Variants in N4BP2 observed in about 807,000 individuals in gnomAD.
N4BP2 encodes the protein NEDD4-binding protein 2.
Under a neutral mutation model 152.8 loss-of-function variants are expected in N4BP2, and 91 were observed. The ratio of observed to expected loss-of-function variants is 0.60; its 90% confidence interval spans 0.50 to 0.71. The LOEUF is 0.71. Among genes scored for constraint, N4BP2 ranks in the 30% least tolerant of loss-of-function variants. The pLI, the probability that N4BP2 is intolerant of heterozygous loss-of-function variation, is 0.00. For missense variants in N4BP2, 1,923 were observed against 2,059.1 expected, an observed-to-expected ratio of 0.93 and a Z score of 1.28; for synonymous variants, 646 against 705.3, an observed-to-expected ratio of 0.92 and a Z score of 1.33.
chr4:40,177,330 C>T, the N4BP2 span, among the ~76,000 whole-genome samples: 2 of 152,024 alleles, frequency 1.3e-5, no homozygotes, highest in Admixed American at 1.3e-4. Context: ...AATACTTCTT[C>T]CTGGGCCCGG....
chr4:40,068,728 G>A (rs1297666257), intron 1 of N4BP2, among the ~76,000 whole-genome samples: 1 of 152,084 alleles, frequency 6.6e-6, no homozygotes, highest in African/African-American at 2.4e-5. Flanking sequence ...TGTAATGTAA[G>A]GTGTTTTGAA....
At chr4:40,167,933 C>A in the N4BP2 span, 1 of 151,994 alleles carries the variant, frequency 6.6e-6, no homozygotes, top group Admixed American at 6.6e-5. Flanking sequence ...TAAAAACATT[C>A]TAAAAGTTTT....
chr4:40,109,605 C>G (rs1406578799), intron 5 of N4BP2, among the ~76,000 whole-genome samples: 1 of 151,916 alleles, frequency 6.6e-6, no homozygotes, highest in African/African-American at 2.4e-5. Context: ...ATAGTCCCAG[C>G]TACTTGAGAG....
chr4:40,088,046 C>T (rs1333788208), intron 2 of N4BP2, among the ~76,000 whole-genome samples: 2 of 152,194 alleles, frequency 1.3e-5, no homozygotes, highest in Non-Finnish European at 2.9e-5. Flanking sequence ...ACCGGAGCCA[C>T]CACGCCCGGC....
Position 40,122,329 on chromosome 4 carries a change from C to G in N4BP2, c.4198+20C>G, listed in dbSNP as rs373495561. ...ATTCAGGTAAGGAAAAAGTAAATGA[C>G]CATGTGTGTGTCTTTGTGTGACTAG... On this transcript the variant is annotated intron_variant, in intron 9 of 17. Transcript: ENST00000261435. 1 of 1,478,278 alleles carries G rather than the reference C, an allele frequency of 6.8e-7. No homozygotes were observed. The highest frequency in any genetic ancestry group is 2.1e-5 in the Admixed American group (1 of 47,816). 91.6% of individuals were successfully genotyped at this position (1,478,278 alleles called of 1,614,324 possible).
intron 7 of N4BP2, among the ~76,000 whole-genome samples, chr4:40,115,992 G>A (rs1359627094): frequency 1.3e-5 from 2 of 152,004 alleles, no homozygotes; most frequent in African/African-American, 2.4e-5. Flanking sequence ...ATGTATACAA[G>A]CTTAAGATTT....
chr4:40,176,822 A>G, the N4BP2 span, among the ~76,000 whole-genome samples: 21 of 152,310 alleles, frequency 1.4e-4, no homozygotes, highest in South Asian at 4.3e-3. Flanking sequence ...GCAGGGAGGA[A>G]CCTGGCCCCT....
At chr4:40,108,106 T>G (rs546609315) in intron 5 of N4BP2, among the ~76,000 whole-genome samples, 2 of 152,018 alleles carry the variant, frequency 1.3e-5, no homozygotes, top group African/African-American at 4.8e-5. Flanking sequence ...TTTTGTATTT[T>G]TAGTAGCGAC....
At chr4:40,078,158 TTTA>T (rs1449311771) in intron 2 of N4BP2, among the ~76,000 whole-genome samples, 1 of 151,888 alleles carries the variant, frequency 6.6e-6, no homozygotes, top group Non-Finnish European at 1.5e-5. Flanking sequence ...TATGTGTGTA[TTTA>T]TTATTATTAT....
chr4:40,106,421 A>G (rs570521113), intron 4 of N4BP2, among the ~76,000 whole-genome samples: 1 of 152,192 alleles, frequency 6.6e-6, no homozygotes, highest in Non-Finnish European at 1.5e-5. Flanking sequence ...GGTTCAAGTG[A>G]TCCTCTCAAC....
At chr4:40,060,729 A>C (rs971302508) in intron 1 of N4BP2, among the ~76,000 whole-genome samples, 2 of 151,298 alleles carry the variant, frequency 1.3e-5, no homozygotes, top group African/African-American at 4.9e-5. Context: ...CAGCCTCCCG[A>C]GTAGCTGGGA....
chr4:40,100,388 T>G lies in N4BP2; in HGVS notation c.230-1687T>G, dbSNP rs552302199. On this transcript the variant is annotated intron_variant, in intron 3 of 17. Coordinates refer to ENST00000261435, the MANE Select transcript of N4BP2 (RefSeq NM_018177.6). The stretch of plus-strand genomic sequence containing the variant: ...TTTGTTTTTTTTTTTGGTTTCCTTT[T>G]TTTTTTGAGATAGGGCCTCACTCAG... Among the ~76,000 whole-genome samples the G allele has an allele frequency of 2.0e-5, 3 of 148,010 alleles. No individual in the cohort carries two copies. In the East Asian group the frequency reaches 5.8e-4, roughly 29 times the overall value.
chr4:40,089,192 G>T lies in N4BP2; in HGVS notation c.-114-8035G>T, dbSNP rs1019788530. ...TGGTATTGAACTCCTGGGCTTAAGG[G>T]ATTCCCCCCCTCTTCAGCCCCTGTT... On this transcript the variant is annotated intron_variant, in intron 2 of 17. Coordinates refer to ENST00000261435, the MANE Select transcript of N4BP2 (RefSeq NM_018177.6). 4.0e-5 allele frequency among the ~76,000 whole-genome samples: 6 copies of T among 151,378 alleles called. No individual in the cohort carries two copies. In the South Asian group the frequency reaches 1.0e-3, roughly 26 times the overall value.
rs1721616852 is a variant in N4BP2, at chr4:40,156,610, G to C, written c.*2373G>C. On this transcript the variant is annotated 3_prime_UTR_variant, in exon 18 of 18. Coordinates refer to ENST00000261435, the MANE Select transcript of N4BP2 (RefSeq NM_018177.6). ...CATTTCTAAATCCTGTATGCCCGCA[G>C]TAAAGATAGTTTGGGGATTTTAAAA... The C allele has an allele frequency of 6.6e-6, 1 of 152,000 alleles. No homozygotes were observed. The highest frequency in any genetic ancestry group is 1.5e-5 in the Non-Finnish European group (1 of 67,960). The allele number at this position is 152,000 out of a possible 1,614,324, so 9.4% of individuals were successfully genotyped here. A position where few individuals can be genotyped will look rare whatever the true frequency, so the allele number is the denominator to read the frequency against.
chr4:40,144,642 A>G lies in N4BP2; in HGVS notation c.4985A>G (p.His1662Arg). The change falls in exon 16 of 18, where the codon CAT becomes CGT. Residue 1662 changes from histidine (H) to arginine (R), a missense_variant. Transcript: ENST00000261435. ...ATGTTTATGATTTAGGGTACTCTTCATGAGCAGAAGATGAAAGAAGCCAAT... is the reference window on the plus strand; with the variant it reads ...ATGTTTATGATTTAGGGTACTCTTCGTGAGCAGAAGATGAAAGAAGCCAAT... Reference protein sequence around the residue: ...ATFYAQQGTLHEQKMKEANHL... With the variant: ...ATFYAQQGTLREQKMKEANHL... 1.2e-6 allele frequency: 2 copies of G among 1,611,564 alleles called. No homozygotes were observed. Among genetic ancestry groups the G allele is most frequent in the East Asian group, 4.5e-5 (2 of 44,798 alleles).
intron 13 of N4BP2, among the ~76,000 whole-genome samples, chr4:40,132,192 T>C (rs892486842): frequency 2.6e-5 from 4 of 152,034 alleles, no homozygotes; most frequent in African/African-American, 9.7e-5. Context: ...AACAATAAAA[T>C]AGAACAATTA....
At chr4:40,146,952 C>CAT in intron 16 of N4BP2, among the ~76,000 whole-genome samples, 1 of 123,534 alleles carries the variant, frequency 8.1e-6, no homozygotes, top group African/African-American at 3.1e-5. Flanking sequence ...TTGGGTGTTT[C>CAT]TCGCAGAGGG....
chr4:40,088,641 C>T (rs921853616), intron 2 of N4BP2, among the ~76,000 whole-genome samples: 3 of 152,004 alleles, frequency 2.0e-5, no homozygotes, highest in African/African-American at 7.2e-5. Flanking sequence ...GCTGGGATTA[C>T]AGGCATGCAC....
chr4:40,117,114 G>A (rs1717413302), intron 7 of N4BP2, among the ~76,000 whole-genome samples: 1 of 152,046 alleles, frequency 6.6e-6, no homozygotes, highest in Admixed American at 6.6e-5. Context: ...TAAGGGATTG[G>A]TGTTTTTCAT....
Sources: gnomAD v4.1 joint callset for allele counts (sites outside exome capture counted in the v4.1 genomes callset) on GRCh38, gnomAD v4.1.1 for gene constraint, MANE v1.5 for transcripts, NCBI Gene and HGNC (gene_info 2026-07-23, HGNC 2026-07-21) for gene names.